Variants in CHCHD6 observed in about 807,000 individuals in gnomAD.
CHCHD6 encodes the protein coiled-coil-helix-coiled-coil-helix domain containing 6, also known as MICOS complex subunit MIC25.
Under a neutral mutation model 32.3 loss-of-function variants are expected in CHCHD6, and 28 were observed. That is an observed-to-expected ratio of 0.87 (90% CI 0.64 to 1.19). The LOEUF (loss-of-function observed/expected upper bound fraction) is 1.19, where lower values mean the gene tolerates loss of function less well. Among genes scored for constraint, CHCHD6 ranks in the 50% most tolerant of loss-of-function variants. The probability of loss-of-function intolerance (pLI) is 0.00; values close to 1 mark genes in which losing one functional copy is unlikely to be tolerated. For synonymous variants in CHCHD6, 122 were observed against 117.5 expected (o/e 1.04, Z -0.25); for missense variants, 333 against 307.0 (o/e 1.08, Z -0.63).
At chr3:126,872,565 A>G (rs1174401849) in intron 5 of CHCHD6, among the ~76,000 whole-genome samples, 1 of 152,178 alleles carries the variant, frequency 6.6e-6, no homozygotes, top group Non-Finnish European at 1.5e-5. Flanking sequence ...AACACTGTTT[A>G]GAATCTTAGG....
At chr3:126,922,087 A>G (rs2078258701) in intron 6 of CHCHD6, among the ~76,000 whole-genome samples, 1 of 152,242 alleles carries the variant, frequency 6.6e-6, no homozygotes, top group Admixed American at 6.5e-5. Flanking sequence ...GCTTAATCTG[A>G]TGGACCTGGC....
chr3:126,915,351 A>G (rs993834258), intron 6 of CHCHD6, among the ~76,000 whole-genome samples: 2 of 152,200 alleles, frequency 1.3e-5, no homozygotes, highest in African/African-American at 4.8e-5. Context: ...CTGGAACGTC[A>G]CAGGAGCAGG....
chr3:126,871,601 C>T (rs1262779624), intron 5 of CHCHD6, among the ~76,000 whole-genome samples: 2 of 151,394 alleles, frequency 1.3e-5, no homozygotes, highest in East Asian at 3.9e-4. Context: ...CTGGCAAGGT[C>T]ATGATTTTTA....
intron 5 of CHCHD6, among the ~76,000 whole-genome samples, chr3:126,863,626 A>C (rs1576518003): frequency 1.2e-5 from 1 of 83,530 alleles, no homozygotes; most frequent in African/African-American, 5.3e-5. Flanking sequence ...CACCATCACC[A>C]CCTCACCCTC....
At chr3:126,953,691 C>T (rs1279892976) in intron 6 of CHCHD6, among the ~76,000 whole-genome samples, 1 of 152,192 alleles carries the variant, frequency 6.6e-6, no homozygotes, top group African/African-American at 2.4e-5. Context: ...GTCTTTGATG[C>T]CTGTGCAAAC....
intron 5 of CHCHD6, among the ~76,000 whole-genome samples, chr3:126,871,688 C>CGGCGTCTCACTCTGTCGCCCAGGCT (rs2077474004): frequency 9.1e-6 from 1 of 110,452 alleles, no homozygotes; most frequent in Non-Finnish European, 1.7e-5. Context: ...TTTTTTGAGT[C>CGGCGTCTCACTCTGTCGCCCAGGCT]GGCGTCTCAC....
chr3:126,865,580 C>T (rs956725938), intron 5 of CHCHD6: 1 of 985,400 alleles, frequency 1.0e-6, no homozygotes, highest in Non-Finnish European at 1.2e-6. Flanking sequence ...GCTTCTCCCT[C>T]TTCCTCTACC....
intron 5 of CHCHD6, among the ~76,000 whole-genome samples, chr3:126,853,913 G>A (rs951662450): frequency 3.9e-5 from 6 of 152,166 alleles, no homozygotes; most frequent in African/African-American, 1.2e-4. Flanking sequence ...CACAGTTGCC[G>A]ATATGTTCAT....
chr3:126,780,625 C>T (rs949729464), intron 4 of CHCHD6, among the ~76,000 whole-genome samples: 6 of 152,206 alleles, frequency 3.9e-5, no homozygotes, highest in African/African-American at 1.2e-4. Context: ...TCTAGACTTG[C>T]AGTGGCCTTG....
At chr3:126,747,847 C>T (rs1410968981) in intron 4 of CHCHD6, among the ~76,000 whole-genome samples, 2 of 152,166 alleles carry the variant, frequency 1.3e-5, no homozygotes, top group East Asian at 1.9e-4. Flanking sequence ...TGCATCTGGG[C>T]CTGGGCTCCT....
intron 5 of CHCHD6, among the ~76,000 whole-genome samples, chr3:126,857,492 C>T (rs1335037220): frequency 1.3e-5 from 2 of 152,164 alleles, no homozygotes; most frequent in Non-Finnish European, 2.9e-5. Flanking sequence ...GCCGATCGAA[C>T]TTTCTTAAGA....
At chr3:126,877,292 G>A (rs147856181) in intron 5 of CHCHD6, among the ~76,000 whole-genome samples, 1,811 of 152,064 alleles carry the variant, frequency 0.012, 19 homozygotes, top group Middle Eastern at 0.048. Context: ...GTGGTGGCTC[G>A]CACCTGTAAT....
chr3:126,945,017 G>A (rs972505150), intron 6 of CHCHD6, among the ~76,000 whole-genome samples: 2 of 152,214 alleles, frequency 1.3e-5, no homozygotes, highest in Admixed American at 6.5e-5. Context: ...TGGGCACTTA[G>A]TAAATAGTTG....
At position 126,945,312 on chromosome 3, in the gene CHCHD6, G is replaced by A. The variant is rs970505287; in HGVS notation, c.567-12104G>A. Among the ~76,000 whole-genome samples the A allele has an allele frequency of 1.1e-4, 17 of 152,140 alleles. No individual in the cohort carries two copies. In the South Asian group the frequency reaches 1.2e-3, roughly 11 times the overall value. On this transcript the variant is annotated intron_variant, in intron 6 of 7. Transcript: ENST00000290913. Reference sequence around the variant, plus strand: ...CTGGAAGGGCAGGCCTGTGGGGGGCGCCATCCTCTGGGGAGCTTTGGGCCA... The same window carrying A: ...CTGGAAGGGCAGGCCTGTGGGGGGCACCATCCTCTGGGGAGCTTTGGGCCA...
chr3:126,916,625 G>T (rs58383276), intron 6 of CHCHD6, among the ~76,000 whole-genome samples: 27,113 of 152,082 alleles, frequency 0.18, 2,865 homozygotes, highest in South Asian at 0.28. Context: ...GCCCTGCAGG[G>T]TATGAGCCAC....
intron 1 of CHCHD6, among the ~76,000 whole-genome samples, chr3:126,720,983 T>C (rs1215753331): frequency 6.6e-6 from 1 of 152,230 alleles, no homozygotes; most frequent in Non-Finnish European, 1.5e-5. Context: ...TTACCTACAA[T>C]CAAACGGATC....
At chr3:126,801,277 G>C (rs532044287) in intron 4 of CHCHD6, among the ~76,000 whole-genome samples, 1 of 152,368 alleles carries the variant, frequency 6.6e-6, no homozygotes, top group African/African-American at 2.4e-5. Context: ...CACTCAGGAA[G>C]CGCAAGGGGT....
intron 6 of CHCHD6, 149 bp from the exon 7 acceptor site, chr3:126,957,267 A>G (rs574074875): frequency 3.5e-6 from 3 of 860,994 alleles, no homozygotes; most frequent in Non-Finnish European, 5.4e-6. Context: ...GGGAAAGCAC[A>G]GTGCTTCTCC....
chr3:126,873,591 G>A (rs937119438), intron 5 of CHCHD6, among the ~76,000 whole-genome samples: 1 of 152,232 alleles, frequency 6.6e-6, no homozygotes, highest in African/African-American at 2.4e-5. Flanking sequence ...GCTGGGGCTG[G>A]CTGGAGTGCC....
Sources: gnomAD v4.1 joint callset for allele counts (sites outside exome capture counted in the v4.1 genomes callset) on GRCh38, gnomAD v4.1.1 for gene constraint, MANE v1.5 for transcripts, NCBI Gene and HGNC (gene_info 2026-07-23, HGNC 2026-07-21) for gene names.